SNX29: variants seen among roughly 807,000 people sequenced by gnomAD.
The protein encoded by SNX29 is sorting nexin-29.
In SNX29, 78 loss-of-function variants were observed where a neutral mutation model predicts 102.1. The observed-to-expected ratio is 0.76, with a 90% CI of 0.64 to 0.92. The LOEUF (loss-of-function observed/expected upper bound fraction) is 0.92, where lower values mean the gene tolerates loss of function less well. SNX29 is among the 40% of genes least tolerant of loss of function. The pLI is 0.00. For synonymous variants in SNX29, 580 were observed against 414.5 expected, an observed-to-expected ratio of 1.40 and a Z score of -4.85; for missense variants, 1,280 against 1,061.7, an observed-to-expected ratio of 1.21 and a Z score of -2.86.
chr16:12,351,394 A>C (rs1289528358), intron 15 of SNX29, among the ~76,000 whole-genome samples: 2 of 152,194 alleles, frequency 1.3e-5, no homozygotes, highest in African/African-American at 4.8e-5. Context: ...CGAAGTGAAT[A>C]ATCTTGGAGA....
At chr16:12,190,260 G>A (rs1416743572) in intron 13 of SNX29, among the ~76,000 whole-genome samples, 4 of 152,018 alleles carry the variant, frequency 2.6e-5, no homozygotes, top group Non-Finnish European at 4.4e-5. Flanking sequence ...ACTCCTGATT[G>A]ACCTTGGCCG....
In SNX29 at chr16:12,568,786, T is replaced by A; in HGVS notation, c.*157T>A. On this transcript the variant is annotated 3_prime_UTR_variant, in exon 21 of 21. Transcript: ENST00000566228. ...CAGTTACACAACACCCCGATTAAACTAATCAGTCTTCGAGCCGCATGATAC... is the reference window on the plus strand; with the variant it reads ...CAGTTACACAACACCCCGATTAAACAAATCAGTCTTCGAGCCGCATGATAC... 2 of 1,178,138 alleles carry A rather than the reference T, an allele frequency of 1.7e-6. No homozygotes were observed. The highest frequency in any genetic ancestry group is 2.3e-6 in the Non-Finnish European group (2 of 860,688). The allele number at this position is 1,178,138 out of a possible 1,614,324, so 73.0% of individuals were successfully genotyped here. A position where few individuals can be genotyped will look rare whatever the true frequency, so the allele number is the denominator to read the frequency against.
At chr16:12,008,498 A>G (rs148488333) in intron 3 of SNX29, among the ~76,000 whole-genome samples, 1,360 of 135,200 alleles carry the variant, frequency 0.01, 3 homozygotes, top group Non-Finnish European at 0.015. Context: ...TGAACTCCCG[A>G]CCTCAGGTGA....
intron 13 of SNX29, among the ~76,000 whole-genome samples, chr16:12,171,419 C>T: frequency 6.6e-6 from 1 of 152,184 alleles, no homozygotes; most frequent in East Asian, 1.9e-4. Context: ...GTTTTGAAGT[C>T]ATACCAGAGC....
chr16:12,493,533 C>T (rs937843433), intron 19 of SNX29, among the ~76,000 whole-genome samples: 18 of 152,330 alleles, frequency 1.2e-4, no homozygotes, highest in Non-Finnish European at 2.2e-4. Flanking sequence ...TTATTTCCTT[C>T]TCCTGCCTGA....
chr16:12,169,413 G>A (rs2076093354), intron 13 of SNX29, among the ~76,000 whole-genome samples: 1 of 152,182 alleles, frequency 6.6e-6, no homozygotes, highest in Non-Finnish European at 1.5e-5. Context: ...GACCCCAGGA[G>A]GCCATGTGGG....
At chr16:12,170,561 G>A (rs1025214078) in intron 13 of SNX29, among the ~76,000 whole-genome samples, 5 of 151,828 alleles carry the variant, frequency 3.3e-5, no homozygotes, top group East Asian at 2.0e-4. Context: ...TGGGCTGTTC[G>A]TGGGGCTGTG....
chr16:12,107,834 T>C (rs183008), intron 11 of SNX29, among the ~76,000 whole-genome samples: 99,189 of 151,864 alleles, frequency 0.65, 33,031 homozygotes, highest in East Asian at 0.91. Context: ...TCCATAGGAA[T>C]TCTTCATTAG....
In SNX29 at chr16:12,284,942, T is replaced by G. The variant is rs1053909144; in HGVS notation, c.1782+6906T>G. On this transcript the variant is annotated intron_variant, in intron 15 of 20. Transcript: ENST00000566228. ...GGTTTCGCCGTGTTGGCCAGGCTGGTCTCGAACTCCTGACCTCAGGTGATC... is the reference window on the plus strand; with the variant it reads ...GGTTTCGCCGTGTTGGCCAGGCTGGGCTCGAACTCCTGACCTCAGGTGATC... Among the ~76,000 whole-genome samples, 3 of 152,220 alleles carry G rather than the reference T, an allele frequency of 2.0e-5. No individual in the cohort carries two copies. In the East Asian group the frequency reaches 5.8e-4, roughly 29 times the overall value.
chr16:12,042,869 G>C (rs372724010), intron 4 of SNX29, 28 bp from the exon 5 acceptor site: 2 of 1,581,632 alleles, frequency 1.3e-6, no homozygotes, highest in Non-Finnish European at 1.7e-6. Context: ...CAGGCCGAGT[G>C]CCAGGCGCCT....
At chr16:12,309,523 G>T (rs1367839235) in intron 15 of SNX29, among the ~76,000 whole-genome samples, 4 of 152,072 alleles carry the variant, frequency 2.6e-5, no homozygotes, top group Admixed American at 2.0e-4. Flanking sequence ...TTTGTGTCCT[G>T]TCTGGCTTCT....
intron 18 of SNX29, among the ~76,000 whole-genome samples, chr16:12,452,477 T>G (rs1234227849): frequency 7.0e-6 from 1 of 142,036 alleles, no homozygotes; most frequent in Non-Finnish European, 1.5e-5. Flanking sequence ...CACCGCTGAG[T>G]ACACCGCTCC....
At chr16:12,354,700 T>C (rs1326366526) in intron 15 of SNX29, among the ~76,000 whole-genome samples, 1 of 152,216 alleles carries the variant, frequency 6.6e-6, no homozygotes, top group Non-Finnish European at 1.5e-5. Flanking sequence ...GGGGGGTTTA[T>C]GTGATTTCTG....
rs931641611 is a variant in SNX29, at chr16:12,568,978, A to G, written c.*349A>G. On this transcript the variant is annotated 3_prime_UTR_variant, in exon 21 of 21. Coordinates refer to ENST00000566228, the MANE Select transcript of SNX29 (RefSeq NM_032167.5). ...TCAGGCTGGGTGCGCCATGGTTGAGAGGCAAAGGTGATCCCCTATATAGGA... is the reference window on the plus strand; with the variant it reads ...TCAGGCTGGGTGCGCCATGGTTGAGGGGCAAAGGTGATCCCCTATATAGGA... 8 of 345,220 alleles carry G rather than the reference A, an allele frequency of 2.3e-5. No homozygotes were observed. The highest frequency in any genetic ancestry group is 8.3e-5 in the African/African-American group (4 of 48,360). The allele number at this position is 345,220 out of a possible 1,614,324, so 21.4% of individuals were successfully genotyped here.
Position 12,568,865 on chromosome 16 carries a change from CCTT to C in SNX29, c.*239_*241del, listed in dbSNP as rs1281887836. ...CGCTGGAGAGACTGGGACACACAGTCCTTCTGCTTCTGGGGTCTACCCTGGGCT... is the reference window on the plus strand; with the variant it reads ...CGCTGGAGAGACTGGGACACACAGTCCTGCTTCTGGGGTCTACCCTGGGCT... On this transcript the variant is annotated 3_prime_UTR_variant, in exon 21 of 21. Transcript: ENST00000566228. 2.3e-4 allele frequency: 142 copies of C among 611,004 alleles called. 1 individual carries two copies. Among genetic ancestry groups the C allele is most frequent in the African/African-American group, 2.1e-3 (112 of 53,776 alleles). 37.8% of individuals were successfully genotyped at this position (611,004 alleles called of 1,614,324 possible).
At chr16:12,278,066 T>G in intron 15 of SNX29, 30 bp downstream of exon 15, 1 of 1,558,300 alleles carries the variant, frequency 6.4e-7, no homozygotes, top group Non-Finnish European at 8.7e-7. Context: ...TGTGTCTTTG[T>G]TTCTGATGTT....
At chr16:12,210,098 C>T (rs1158570503) in intron 14 of SNX29, among the ~76,000 whole-genome samples, 1 of 152,194 alleles carries the variant, frequency 6.6e-6, no homozygotes, top group African/African-American at 2.4e-5. Context: ...CTGTCCAGCC[C>T]TCAATCCATG....
At chr16:12,364,191 A>ATGTTG (rs1294825564) in intron 16 of SNX29, among the ~76,000 whole-genome samples, 2 of 150,984 alleles carry the variant, frequency 1.3e-5, no homozygotes, top group African/African-American at 2.4e-5. Context: ...ATGTTATGTT[A>ATGTTG]TGTTATGTTA....
intron 13 of SNX29, among the ~76,000 whole-genome samples, chr16:12,146,693 G>A (rs995170816): frequency 7.9e-5 from 12 of 152,322 alleles, no homozygotes; most frequent in African/African-American, 2.9e-4. Flanking sequence ...TGTGGCTGTG[G>A]AAGGTGAAGG....
Sources: gnomAD v4.1 joint callset for allele counts (sites outside exome capture counted in the v4.1 genomes callset) on GRCh38, gnomAD v4.1.1 for gene constraint, MANE v1.5 for transcripts, NCBI Gene and HGNC (gene_info 2026-07-23, HGNC 2026-07-21) for gene names.